The following AGBL4 variants were observed in gnomAD, a reference collection of about 807,000 sequenced individuals.
AGBL4 encodes the protein cytosolic carboxypeptidase 6.
A neutral mutation model predicts 66.4 loss-of-function variants in AGBL4; 58 were observed. The observed-to-expected ratio is 0.87, with a 90% CI of 0.71 to 1.09. AGBL4 has a LOEUF of 1.09. Ranked by LOEUF, AGBL4 falls within the 50% of genes least tolerant of loss-of-function variation. The pLI is 0.00. For missense variants in AGBL4, 579 were observed against 631.0 expected, an observed-to-expected ratio of 0.92 and a Z score of 0.88; for synonymous variants, 234 against 222.9, an observed-to-expected ratio of 1.05 and a Z score of -0.44.
At chr1:49,502,881 G>A (rs1183416274) in intron 3 of AGBL4, among the ~76,000 whole-genome samples, 1 of 152,050 alleles carries the variant, frequency 6.6e-6, no homozygotes, top group African/African-American at 2.4e-5. Context: ...AAAATTTGCA[G>A]CCTGACAATG....
At chr1:49,149,549 T>C (rs931629845) in intron 4 of AGBL4, among the ~76,000 whole-genome samples, 7 of 152,194 alleles carry the variant, frequency 4.6e-5, no homozygotes, top group African/African-American at 1.7e-4. Context: ...TGTTGGAAGA[T>C]GTGTTAATCT....
intron 5 of AGBL4, among the ~76,000 whole-genome samples, chr1:48,876,533 A>G (rs1649251724): frequency 6.6e-6 from 1 of 152,164 alleles, no homozygotes; most frequent in African/African-American, 2.4e-5. Flanking sequence ...TGGTATTTCA[A>G]GTGACAGTAG....
At chr1:49,621,230 A>C (rs1052028638) in intron 3 of AGBL4, among the ~76,000 whole-genome samples, 1 of 152,214 alleles carries the variant, frequency 6.6e-6, no homozygotes, top group Non-Finnish European at 1.5e-5. Flanking sequence ...TACACTCACC[A>C]GCAGTTTGGC....
At chr1:49,326,744 A>C (rs1384963770) in intron 3 of AGBL4, among the ~76,000 whole-genome samples, 1 of 152,204 alleles carries the variant, frequency 6.6e-6, no homozygotes, top group Non-Finnish European at 1.5e-5. Context: ...GGCATTCTTT[A>C]CATTAGGAAA....
At chr1:49,692,393 A>G (rs546676304) in intron 3 of AGBL4, among the ~76,000 whole-genome samples, 1 of 152,268 alleles carries the variant, frequency 6.6e-6, no homozygotes, top group African/African-American at 2.4e-5. Flanking sequence ...ATGAAATTTC[A>G]GAGCCTGAAT....
At chr1:49,614,021 A>G (rs1360296311) in intron 3 of AGBL4, among the ~76,000 whole-genome samples, 1 of 152,192 alleles carries the variant, frequency 6.6e-6, no homozygotes, top group African/African-American at 2.4e-5. Context: ...TCTGTTTAGA[A>G]CACACTTGTT....
chr1:49,784,963 C>T (rs1213875267), intron 2 of AGBL4, among the ~76,000 whole-genome samples: 1 of 152,022 alleles, frequency 6.6e-6, no homozygotes, highest in Non-Finnish European at 1.5e-5. Context: ...ATTATAACCT[C>T]AGTTTACTTA....
intron 3 of AGBL4, among the ~76,000 whole-genome samples, chr1:49,378,769 A>G (rs1431487364): frequency 2.0e-5 from 3 of 152,148 alleles, no homozygotes; most frequent in Admixed American, 1.3e-4. Context: ...AGCCAGGCCA[A>G]TGGGAAATCT....
At chr1:49,955,412 A>G (rs1398073869) in intron 1 of AGBL4, among the ~76,000 whole-genome samples, 1 of 151,976 alleles carries the variant, frequency 6.6e-6, no homozygotes, top group Non-Finnish European at 1.5e-5. Flanking sequence ...CTCAGCACTT[A>G]TTTATTCCCA....
chr1:49,788,455 C>T (rs186998315), intron 2 of AGBL4, among the ~76,000 whole-genome samples: 6 of 149,894 alleles, frequency 4.0e-5, no homozygotes, highest in East Asian at 2.0e-4. Flanking sequence ...AGATGGACAC[C>T]GAGATGGCCC....
intron 3 of AGBL4, among the ~76,000 whole-genome samples, chr1:49,660,747 T>C (rs1386885490): frequency 1.3e-5 from 2 of 152,206 alleles, no homozygotes; most frequent in African/African-American, 2.4e-5. Flanking sequence ...GTGGTGCATA[T>C]ACACCATGGA....
In AGBL4 at chr1:48,736,091, G is replaced by T; in HGVS notation, c.635-72850C>A. 1.2e-6 allele frequency: 1 copy of T among 801,070 alleles called. No individual in the cohort carries two copies. 49.6% of individuals were successfully genotyped at this position (801,070 alleles called of 1,614,324 possible). On this transcript the variant is annotated intron_variant, in intron 6 of 13. Transcript: ENST00000371839. The surrounding 1 kb of genome is among the most constrained non-coding windows in gnomAD (Gnocchi z 4.0). ...AAATGTGAGCTCTTCTGGGGCATTT[G>T]GGTTATCCGCTTGGTGTCCCCGGGC...
intron 3 of AGBL4, among the ~76,000 whole-genome samples, chr1:49,334,292 AG>A (rs1557848293): frequency 2.6e-5 from 4 of 152,194 alleles, no homozygotes; most frequent in Non-Finnish European, 5.9e-5. Context: ...TTCCAGGTCT[AG>A]TCCTTTTTCT....
At chr1:49,687,733 C>T (rs1198983146) in intron 3 of AGBL4, among the ~76,000 whole-genome samples, 1 of 151,792 alleles carries the variant, frequency 6.6e-6, no homozygotes, top group Non-Finnish European at 1.5e-5. Flanking sequence ...CAAGATCATG[C>T]CACTGCACTC....
At chr1:49,379,935 T>C (rs1401857539) in intron 3 of AGBL4, among the ~76,000 whole-genome samples, 1 of 152,182 alleles carries the variant, frequency 6.6e-6, no homozygotes, top group Non-Finnish European at 1.5e-5. Flanking sequence ...CTTTGAAAAC[T>C]GGCCTAAGAC....
chr1:49,126,526 C>T (rs1645767774), intron 4 of AGBL4, among the ~76,000 whole-genome samples: 1 of 152,030 alleles, frequency 6.6e-6, no homozygotes, highest in African/African-American at 2.4e-5. Flanking sequence ...AAACTTAATC[C>T]TCATAATCAC....
intron 9 of AGBL4, 86 bp from the exon 10 acceptor site, chr1:48,591,071 C>T (rs182135295): frequency 1.8e-6 from 2 of 1,091,348 alleles, no homozygotes; most frequent in Non-Finnish European, 2.5e-6. Flanking sequence ...ACACACACAC[C>T]CCCCACACAC....
At chr1:49,242,915 T>C (rs886211437) in intron 4 of AGBL4, among the ~76,000 whole-genome samples, 5 of 151,662 alleles carry the variant, frequency 3.3e-5, no homozygotes. Context: ...CGGTCTATGC[T>C]AAGACTTGAA....
At chr1:49,787,210 T>C (rs1367438688) in intron 2 of AGBL4, among the ~76,000 whole-genome samples, 1 of 152,082 alleles carries the variant, frequency 6.6e-6, no homozygotes, top group Non-Finnish European at 1.5e-5. Context: ...AGACGCACCC[T>C]AACAAAGATT....
Sources: allele counts gnomAD v4.1 joint callset (sites outside exome capture counted in the v4.1 genomes callset), GRCh38; gene constraint gnomAD v4.1.1; non-coding constraint Gnocchi (gnomAD v3.1); transcripts MANE v1.5; gene names NCBI Gene and HGNC (gene_info 2026-07-23, HGNC 2026-07-21).